ERC1: variants seen among roughly 807,000 people sequenced by gnomAD.
ERC1 encodes the protein RAB6 interacting protein 2.
ERC1 carries 56 observed loss-of-function variants against 132.0 expected under a neutral mutation model. That is an observed-to-expected ratio of 0.42 (90% CI 0.34 to 0.53). The LOEUF is 0.53. Ranked by LOEUF, ERC1 falls within the 20% of genes least tolerant of loss-of-function variation. The pLI is 0.03. For synonymous variants in ERC1, 478 were observed against 476.1 expected (o/e 1.00, Z -0.05); for missense variants, 1,202 against 1,349.9 (o/e 0.89, Z 1.72).
chr12:1,082,825 T>C (rs1479523400), intron 2 of ERC1, among the ~76,000 whole-genome samples: 1 of 152,200 alleles, frequency 6.6e-6, no homozygotes, highest in African/African-American at 2.4e-5. Flanking sequence ...AATGTATTCA[T>C]ATTCCTGTAG....
intron 12 of ERC1, among the ~76,000 whole-genome samples, chr12:1,197,386 GA>G (rs1956435693): frequency 6.6e-6 from 1 of 152,102 alleles, no homozygotes; most frequent in African/African-American, 2.4e-5. Context: ...TCTCCTTCCT[GA>G]AAAGAAATCC....
chr12:1,206,036 C>T (rs1957325301), intron 12 of ERC1, among the ~76,000 whole-genome samples: 1 of 152,036 alleles, frequency 6.6e-6, no homozygotes, highest in African/African-American at 2.4e-5. Context: ...TTAACTTTTA[C>T]CCAGCAGCAA....
intron 2 of ERC1, among the ~76,000 whole-genome samples, chr12:1,079,376 CAA>C (rs1433712108): frequency 2.1e-5 from 2 of 93,230 alleles, no homozygotes; most frequent in Non-Finnish European, 4.3e-5. Flanking sequence ...TGTAATATGA[CAA>C]AAGTCGATAT....
chr12:1,335,612 C>G (rs11061704), intron 15 of ERC1, among the ~76,000 whole-genome samples: 41,472 of 151,908 alleles, frequency 0.27, 6,071 homozygotes, highest in Middle Eastern at 0.34. Flanking sequence ...TCATGTGCTT[C>G]TGGATTCAGT....
At chr12:1,428,088 C>T (rs16928422) in intron 17 of ERC1, among the ~76,000 whole-genome samples, 9,066 of 152,096 alleles carry the variant, frequency 0.06, 395 homozygotes, top group African/African-American at 0.11. Flanking sequence ...CACTCAGATC[C>T]GTGGGTTCAT....
At chr12:1,033,687 T>C (rs1268878715) in intron 2 of ERC1, among the ~76,000 whole-genome samples, 1 of 151,776 alleles carries the variant, frequency 6.6e-6, no homozygotes, top group African/African-American at 2.4e-5. Context: ...TGGAGTGCAG[T>C]GACACGATCT....
intron 15 of ERC1, among the ~76,000 whole-genome samples, chr12:1,333,036 T>C (rs1489372528): frequency 7.3e-6 from 1 of 136,082 alleles, no homozygotes; most frequent in East Asian, 2.2e-4. Flanking sequence ...ATCCTCGTCC[T>C]GATCCTCGTC....
intron 3 of ERC1, among the ~76,000 whole-genome samples, chr12:1,096,636 C>T (rs1043311210): frequency 3.9e-5 from 6 of 151,972 alleles, no homozygotes; most frequent in Non-Finnish European, 7.4e-5. Context: ...ATTATTATGG[C>T]CTAAACTAAT....
At chr12:1,440,500 C>G (rs1221723946) in intron 17 of ERC1, among the ~76,000 whole-genome samples, 1 of 147,638 alleles carries the variant, frequency 6.8e-6, no homozygotes, top group Non-Finnish European at 1.5e-5. Flanking sequence ...GCCACCGCGC[C>G]CGGCCTTTTT....
At chr12:1,067,420 G>A (rs1939418359) in intron 2 of ERC1, among the ~76,000 whole-genome samples, 1 of 152,158 alleles carries the variant, frequency 6.6e-6, no homozygotes, top group Non-Finnish European at 1.5e-5. Context: ...AGATTACTTG[G>A]ATAGCACTAG....
chr12:1,299,791 G>C (rs1268540615), intron 15 of ERC1, among the ~76,000 whole-genome samples: 1 of 152,098 alleles, frequency 6.6e-6, no homozygotes, highest in African/African-American at 2.4e-5. Flanking sequence ...CCAATACCTG[G>C]AACGAGAGAG....
chr12:1,063,638 T>A (rs1006875862), intron 2 of ERC1, among the ~76,000 whole-genome samples: 42 of 151,694 alleles, frequency 2.8e-4, no homozygotes, highest in African/African-American at 4.6e-4. Context: ...AGTCTTTTTT[T>A]AAAAAAAAAT....
chr12:991,118 A>C (rs1959185997), upstream of ERC1: 1 of 150,444 alleles, frequency 6.6e-6, no homozygotes, highest in African/African-American at 2.4e-5. Context: ...GGCTGAGGGA[A>C]AGGGAGGCAG....
intron 2 of ERC1, among the ~76,000 whole-genome samples, chr12:1,034,537 G>T (rs1391836117): frequency 6.6e-6 from 1 of 152,206 alleles, no homozygotes; most frequent in Non-Finnish European, 1.5e-5. Context: ...GTATATGTGT[G>T]TGTCAGATTA....
chr12:1,264,445 T>C (rs962400986), intron 14 of ERC1, among the ~76,000 whole-genome samples: 6 of 151,896 alleles, frequency 4.0e-5, no homozygotes, highest in Non-Finnish European at 7.4e-5. Context: ...GGCGGATCAC[T>C]TGAGGTCAGG....
rs116464042 is a variant in ERC1 at position 1,314,858 on chromosome 12, A to G, written c.2780+24846A>G. On this transcript the variant is annotated intron_variant, in intron 15 of 18. Transcript: ENST00000360905. ...CTGTCTGTCCATTTTGGTCTTGTCTATTTTACCTCTGGGCTCTATCTTTAC... is the reference window on the plus strand; with the variant it reads ...CTGTCTGTCCATTTTGGTCTTGTCTGTTTTACCTCTGGGCTCTATCTTTAC... 3.8e-3 allele frequency among the ~76,000 whole-genome samples: 577 copies of G among 152,144 alleles called. 6 individuals are homozygous for G. The highest frequency in any genetic ancestry group is 0.02 in the Middle Eastern group (6 of 294).
At chr12:1,317,074 T>C (rs186042987) in intron 15 of ERC1, among the ~76,000 whole-genome samples, 243 of 150,452 alleles carry the variant, frequency 1.6e-3, no homozygotes, top group African/African-American at 5.6e-3. Flanking sequence ...GACAGGAGAA[T>C]CGCTTGAATC....
chr12:1,199,419 A>G (rs1410842045), intron 12 of ERC1, among the ~76,000 whole-genome samples: 1 of 152,204 alleles, frequency 6.6e-6, no homozygotes, highest in Non-Finnish European at 1.5e-5. Flanking sequence ...GTGTGTATTT[A>G]TAGTATTGTT....
chr12:1,004,840 G>A (rs1467820655), intron 1 of ERC1, among the ~76,000 whole-genome samples: 3 of 83,238 alleles, frequency 3.6e-5, no homozygotes, highest in Non-Finnish European at 7.7e-5. Context: ...GTGTGTGTGT[G>A]TGTGTGTGTA....
Sources: gnomAD v4.1 joint callset for allele counts (sites outside exome capture counted in the v4.1 genomes callset) on GRCh38, gnomAD v4.1.1 for gene constraint, MANE v1.5 for transcripts, NCBI Gene and HGNC (gene_info 2026-07-23, HGNC 2026-07-21) for gene names.